The following MGRN1 variants were observed in gnomAD, a reference collection of about 807,000 sequenced individuals.
MGRN1 encodes E3 ubiquitin-protein ligase MGRN1.
MGRN1 carries 29 observed loss-of-function variants against 69.2 expected under a neutral mutation model. The ratio of observed to expected loss-of-function variants is 0.42; its 90% CI spans 0.31 to 0.57. MGRN1 has a LOEUF of 0.57. MGRN1 is among the 20% of genes least tolerant of loss of function. The pLI is 0.15. For synonymous variants in MGRN1, 470 were observed against 344.2 expected (o/e 1.37, Z -4.04); for missense variants, 998 against 796.2 (o/e 1.25, Z -3.05).
rs1480038468 is a variant in MGRN1 at position 4,668,795 on chromosome 16, CAT to C, written c.726+485_726+486del. Among the ~76,000 whole-genome samples, 22 of 152,096 alleles carry C rather than the reference CAT, an allele frequency of 1.4e-4. 2 individuals are homozygous for C. In the East Asian group the frequency reaches 4.3e-3, roughly 29 times the overall value. ...ACATAGACATTCATACACATATACA[CAT>C]ACACACACGTATACAGACACACACT... On this transcript the variant is annotated intron_variant, in intron 8 of 16. Transcript: ENST00000262370.
intron 5 of MGRN1, among the ~76,000 whole-genome samples, chr16:4,658,360 C>A (rs1187180379): frequency 1.3e-5 from 2 of 151,176 alleles, no homozygotes; most frequent in East Asian, 4.0e-4. Context: ...ACGGTGAAAC[C>A]CCGTCTCTAC....
intron 1 of MGRN1, among the ~76,000 whole-genome samples, chr16:4,636,352 G>A (rs1898290023): frequency 6.6e-6 from 1 of 152,022 alleles, no homozygotes; most frequent in African/African-American, 2.4e-5. Context: ...ACCTCAGGAT[G>A]AGATGGGATG....
chr16:4,687,042 GCCA>G, intron 16 of MGRN1: 2 of 985,632 alleles, frequency 2.0e-6, no homozygotes, highest in Non-Finnish European at 2.4e-6. Flanking sequence ...TGTCAGCATG[GCCA>G]CCGTGGGCCT....
intron 16 of MGRN1, chr16:4,687,562 C>G: frequency 1.3e-6 from 1 of 775,290 alleles, no homozygotes; most frequent in Non-Finnish European, 1.5e-6. Flanking sequence ...GAGACCCTGT[C>G]TCAAGAAAAA....
At chr16:4,688,188 T>C (rs561903687) in intron 16 of MGRN1, 803 of 985,576 alleles carry the variant, frequency 8.1e-4, no homozygotes, top group Non-Finnish European at 9.3e-4. Context: ...GAGGCCATGC[T>C]GGCCCCGTCC....
In MGRN1 at chr16:4,690,686, G is replaced by T. The variant is rs1021815550; in HGVS notation, c.*1778G>T. On this transcript the variant is annotated 3_prime_UTR_variant, in exon 17 of 17. Coordinates refer to ENST00000262370, the MANE Select transcript of MGRN1 (RefSeq NM_015246.4). ...CCTGCACATGTTCCCATGCATGTGT[G>T]TGCACTCGGACCGAGCATCTCCCAC... The T allele has an allele frequency of 6.6e-6, 1 of 152,116 alleles. No homozygotes were observed. The highest frequency in any genetic ancestry group is 1.5e-5 in the Non-Finnish European group (1 of 68,054). 9.4% of individuals were successfully genotyped at this position (152,116 alleles called of 1,614,324 possible). A position where few individuals can be genotyped will look rare whatever the true frequency, so the allele number is the denominator to read the frequency against.
Position 4,652,004 on chromosome 16 carries a change from G to A in MGRN1, c.249G>A (p.Thr83=), listed in dbSNP as rs767701943. Residue 83 remains threonine (T), a synonymous_variant, in exon 3 of 17, where the codon ACG becomes ACA. Coordinates refer to ENST00000262370, the MANE Select transcript of MGRN1 (RefSeq NM_015246.4). ...CTGCCCCCCACGAGCCCGTGAAGAC[G>A]CTGCGGAGCCTGGTGAACATCCGCA... is the stretch of plus-strand genomic sequence containing the variant. ...VTPAPHEPVK[T]LRSLVNIRKD... 35 of 1,613,906 alleles carry A rather than the reference G, an allele frequency of 2.2e-5. No individual in the cohort carries two copies. Among genetic ancestry groups the A allele is most frequent in the Non-Finnish European group, 2.6e-5 (31 of 1,179,966 alleles).
At chr16:4,661,351 A>G (rs1596294680) in intron 5 of MGRN1, among the ~76,000 whole-genome samples, 1 of 152,070 alleles carries the variant, frequency 6.6e-6, no homozygotes, top group Non-Finnish European at 1.5e-5. Flanking sequence ...CGCCTTGGCC[A>G]CCTTTCGCAC....
In MGRN1 at chr16:4,689,374, T is replaced by C. The variant is rs2079407202; in HGVS notation, c.*466T>C. The C allele has an allele frequency of 6.4e-6, 1 of 155,768 alleles. No homozygotes were observed. Among genetic ancestry groups the C allele is most frequent in the Admixed American group, 6.4e-5 (1 of 15,504 alleles). The allele number at this position is 155,768 out of a possible 1,614,324, so 9.6% of individuals were successfully genotyped here. A position where few individuals can be genotyped will look rare whatever the true frequency, so the allele number is the denominator to read the frequency against. On this transcript the variant is annotated 3_prime_UTR_variant, in exon 17 of 17. Transcript: ENST00000262370. ...CACGGTCAATGAAGGAAACAGTGCCTGTCCACCCACCCTGCGTGTCACTGT... is the reference window on the plus strand; with the variant it reads ...CACGGTCAATGAAGGAAACAGTGCCCGTCCACCCACCCTGCGTGTCACTGT...
chr16:4,653,968 T>A (rs1275002539), intron 4 of MGRN1, among the ~76,000 whole-genome samples: 1 of 152,166 alleles, frequency 6.6e-6, no homozygotes, highest in Non-Finnish European at 1.5e-5. Flanking sequence ...GTCAGGCTGG[T>A]CTCAATCGCT....
At chr16:4,669,429 G>T (rs1347783150) in intron 8 of MGRN1, among the ~76,000 whole-genome samples, 1 of 49,146 alleles carries the variant, frequency 2.0e-5, no homozygotes, top group Admixed American at 1.7e-4. Context: ...GGAAGACTGT[G>T]TCAAAAAAAA....
chr16:4,681,402 G>C, intron 12 of MGRN1, 148 bp from the exon 13 acceptor site: 1 of 686,652 alleles, frequency 1.5e-6, no homozygotes, highest in Non-Finnish European at 2.4e-6. Context: ...GAGGGCATCG[G>C]TGCTGCCAGG....
chr16:4,689,072 C>T lies in MGRN1; in HGVS notation c.*164C>T, dbSNP rs2079401536. On this transcript the variant is annotated 3_prime_UTR_variant, in exon 17 of 17. Coordinates refer to ENST00000262370, the MANE Select transcript of MGRN1 (RefSeq NM_015246.4). ...TGATCAAAGAGCACAGTGAACTGTC[C>T]CTTCTGAGTCTCCCTTTTCTACAGT... 2 of 888,632 alleles carry T rather than the reference C, an allele frequency of 2.3e-6. No homozygotes were observed. Among genetic ancestry groups the T allele is most frequent in the Non-Finnish European group, 3.2e-6 (2 of 615,940 alleles). The allele number at this position is 888,632 out of a possible 1,614,324, so 55.0% of individuals were successfully genotyped here. A position where few individuals can be genotyped will look rare whatever the true frequency, so the allele number is the denominator to read the frequency against.
Position 4,657,266 on chromosome 16 carries a change from C to G in MGRN1, c.464C>G (p.Ser155Trp), listed in dbSNP as rs201648809. ...TGCAGATACAGCCCCAAGAGCCCCT[C>G]GCTACAGTCCGAGACCGTCCACTAC... ...GRAVYSPKSP[S>W]LQSETVHYKR... The change falls in exon 5 of 17, where the codon TCG becomes TGG. Residue 155 changes from serine to tryptophan, a missense_variant. Physicochemically the swap from Ser to Trp is radical, Grantham distance 177 (BLOSUM62 -3). Coordinates refer to ENST00000262370, the MANE Select transcript of MGRN1 (RefSeq NM_015246.4). 6 of 1,614,044 alleles carry G rather than the reference C, an allele frequency of 3.7e-6. No homozygotes were observed.
At chr16:4,634,689 C>T (rs1481800992) in intron 1 of MGRN1, 1 of 152,420 alleles carries the variant, frequency 6.6e-6, no homozygotes, top group Admixed American at 6.5e-5. Flanking sequence ...TCCCTGGATC[C>T]TGAGCGAGTG....
intron 12 of MGRN1, 152 bp downstream of exon 12, chr16:4,680,249 G>C (rs1450196070): frequency 9.5e-6 from 7 of 739,896 alleles, no homozygotes. Flanking sequence ...CCTGCCCAGG[G>C]AGTTTGTGGA....
chr16:4,662,116 G>A (rs978514582), intron 5 of MGRN1, among the ~76,000 whole-genome samples: 2 of 152,190 alleles, frequency 1.3e-5, no homozygotes, highest in Non-Finnish European at 2.9e-5. Flanking sequence ...CCTGACTGCT[G>A]TCTGTGGTCC....
intron 5 of MGRN1, 65 bp downstream of exon 5, chr16:4,657,428 GC>G: frequency 1.4e-6 from 2 of 1,481,296 alleles, no homozygotes; most frequent in Non-Finnish European, 1.9e-6. Context: ...TGGGGGTGGG[GC>G]CAGCACAGTG....
intron 1 of MGRN1, among the ~76,000 whole-genome samples, chr16:4,627,402 C>T (rs1192054693): frequency 6.6e-6 from 1 of 152,256 alleles, no homozygotes; most frequent in Admixed American, 6.5e-5. Flanking sequence ...ATCTGTTTTA[C>T]TCTTCATAGC....
Sources: allele counts gnomAD v4.1 joint callset (sites outside exome capture counted in the v4.1 genomes callset), GRCh38; gene constraint gnomAD v4.1.1; transcripts MANE v1.5; gene names NCBI Gene and HGNC (gene_info 2026-07-23, HGNC 2026-07-21).